The following SPEF2 variants were observed in gnomAD, a reference collection of about 807,000 sequenced individuals.
SPEF2 encodes the protein sperm flagellar and cilia associated 2, also known as sperm flagella and cilia-associated protein 2.
In SPEF2, 187 loss-of-function variants were observed where a neutral mutation model predicts 224.6. That is an observed-to-expected ratio of 0.83 (90% CI 0.74 to 0.94). The LOEUF (loss-of-function observed/expected upper bound fraction) is 0.94. SPEF2 is among the 40% of genes least tolerant of loss of function. The probability of loss-of-function intolerance (pLI) is 0.00; values close to 1 mark genes in which losing one functional copy is unlikely to be tolerated. For missense variants in SPEF2, 2,170 were observed against 2,135.6 expected, an observed-to-expected ratio of 1.02 and a Z score of -0.32; for synonymous variants, 715 against 707.3, an observed-to-expected ratio of 1.01 and a Z score of -0.17.
At position 35,719,872 on chromosome 5, in the gene SPEF2, G is replaced by A. The variant is rs548518045; in HGVS notation, c.2914+6986G>A. ...ACTGACCTCATGGTCCACCCATCTC[G>A]GCTTCCCAAAGTGCTGGGATTACAA... On this transcript the variant is annotated intron_variant, in intron 20 of 36. Coordinates refer to ENST00000356031, the MANE Select transcript of SPEF2 (RefSeq NM_024867.4). Among the ~76,000 whole-genome samples the A allele has an allele frequency of 1.1e-4, 17 of 152,128 alleles. No individual in the cohort carries two copies. The South Asian group carries it at 1.9e-3, about 17-fold the overall frequency.
chr5:35,701,504 G>A (rs562526899), intron 16 of SPEF2, among the ~76,000 whole-genome samples: 77 of 152,274 alleles, frequency 5.1e-4, no homozygotes, highest in African/African-American at 1.8e-3. Flanking sequence ...AGGGAAAAAT[G>A]ATGGAAGACT....
At chr5:35,764,500 A>AGTTT (rs1414930218) in intron 26 of SPEF2, 2 of 449,854 alleles carry the variant, frequency 4.4e-6, no homozygotes, top group African/African-American at 4.0e-5. Flanking sequence ...ATACACACAG[A>AGTTT]ATTTAACTCA....
In SPEF2 at chr5:35,700,670, T is replaced by G. The variant is rs372366779; in HGVS notation, c.2316T>G (p.Pro772=). Residue 772 remains proline (P), a synonymous_variant, in exon 16 of 37, where the codon CCT becomes CCG. Transcript: ENST00000356031. ...ATCCTGCGACTTCCAAAGAAATACC[T>G]CTTCCCTCTCCTGCATTTGATTTTG... is the stretch of plus-strand genomic sequence containing the variant. ...AIDPATSKEI[P]LPSPAFDFVI... The G allele has an allele frequency of 1.9e-6, 3 of 1,614,022 alleles. No individual in the cohort carries two copies. The highest frequency in any genetic ancestry group is 2.5e-6 in the Non-Finnish European group (3 of 1,179,942).
At chr5:35,648,723 A>G (rs1249542399) in intron 5 of SPEF2, among the ~76,000 whole-genome samples, 1 of 152,214 alleles carries the variant, frequency 6.6e-6, no homozygotes, top group African/African-American at 2.4e-5. Context: ...TTGCATGAGG[A>G]ATGTTTAAAA....
chr5:35,699,597 T>A (rs950104176), intron 15 of SPEF2: 1 of 152,164 alleles, frequency 6.6e-6, no homozygotes, highest in African/African-American at 2.4e-5. Context: ...TTGGGTGGGA[T>A]AGGAAGAGCT....
intron 29 of SPEF2, among the ~76,000 whole-genome samples, chr5:35,777,070 C>A (rs1258529214): frequency 6.6e-6 from 1 of 152,154 alleles, no homozygotes; most frequent in Admixed American, 6.5e-5. Flanking sequence ...AACACTCCAG[C>A]CAGGCTATTT....
At chr5:35,805,894 A>C (rs1757989430) in intron 34 of SPEF2, among the ~76,000 whole-genome samples, 1 of 152,008 alleles carries the variant, frequency 6.6e-6, no homozygotes, top group Non-Finnish European at 1.5e-5. Context: ...ATCATTTTTC[A>C]TGGCAATGTA....
In SPEF2 at chr5:35,801,505, T is replaced by A. The variant is rs551385041; in HGVS notation, c.5010+1358T>A. Reference sequence around the variant, plus strand: ...TCCAGCCTCAGTGATAAAGCAAGACTCCATCTCAAAAAAAAAAAAAATTCC... The same window carrying A: ...TCCAGCCTCAGTGATAAAGCAAGACACCATCTCAAAAAAAAAAAAAATTCC... On this transcript the variant is annotated intron_variant, in intron 34 of 36. Transcript: ENST00000356031. Among the ~76,000 whole-genome samples, 999 of 147,014 alleles carry A rather than the reference T, an allele frequency of 6.8e-3. 13 individuals carry two copies. The highest frequency in any genetic ancestry group is 0.025 in the African/African-American group (958 of 38,544).
intron 10 of SPEF2, among the ~76,000 whole-genome samples, chr5:35,687,524 T>C (rs1753813815): frequency 6.6e-6 from 1 of 151,616 alleles, no homozygotes; most frequent in Non-Finnish European, 1.5e-5. Context: ...GTGGCACAAA[T>C]TTTTGGATTT....
intron 7 of SPEF2, among the ~76,000 whole-genome samples, chr5:35,656,090 T>A (rs1459128371): frequency 6.6e-6 from 1 of 151,982 alleles, no homozygotes; most frequent in African/African-American, 2.4e-5. Context: ...GGATGAAAAA[T>A]TGGATTTCTA....
Position 35,773,931 on chromosome 5 carries a change from G to C in SPEF2, c.3988G>C (p.Val1330Leu). The C allele has an allele frequency of 6.2e-7, 1 of 1,613,244 alleles. No homozygotes were observed. The change falls in exon 28 of 37, where the codon GTA becomes CTA. Residue 1330 changes from valine (V) to leucine (L), a missense_variant. Coordinates refer to ENST00000356031, the MANE Select transcript of SPEF2 (RefSeq NM_024867.4). ...PPMAEATPVI[V>L]TTEEIAEIKR... is the part of the protein sequence containing the mutation. ...TATGGCAGAAGCAACTCCTGTCATA[G>C]TAACAACAGAGGAAATTGCTGAAAT...
chr5:35,641,941 G>T (rs1021604173), intron 3 of SPEF2, among the ~76,000 whole-genome samples: 11 of 151,818 alleles, frequency 7.2e-5, no homozygotes, highest in African/African-American at 2.7e-4. Context: ...TGTTGTTGTT[G>T]TTTTAGAGAG....
intron 11 of SPEF2, 30 bp downstream of exon 11, chr5:35,691,286 A>G: frequency 1.3e-6 from 2 of 1,559,332 alleles, no homozygotes; most frequent in Non-Finnish European, 1.8e-6. Flanking sequence ...TCTCCCTGCC[A>G]TTAGGTCCTA....
At chr5:35,680,193 TAAATG>T (rs1256454711) in intron 10 of SPEF2, among the ~76,000 whole-genome samples, 2 of 152,242 alleles carry the variant, frequency 1.3e-5, no homozygotes, top group Non-Finnish European at 2.9e-5. Flanking sequence ...TATTACATCT[TAAATG>T]AAATGCTTTT....
chr5:35,771,529 AT>A (rs1752856213), intron 26 of SPEF2, 79 bp from the exon 27 acceptor site: 2 of 1,519,134 alleles, frequency 1.3e-6, no homozygotes, highest in Non-Finnish European at 1.8e-6. Flanking sequence ...TTTCAACAGA[AT>A]TTAGTAATGA....
In SPEF2 at chr5:35,753,742, A is replaced by G. The variant is rs201177362; in HGVS notation, c.3449A>G (p.His1150Arg). The change falls in exon 24 of 37, where the codon CAT (histidine) becomes CGT (arginine). Residue 1150 changes from histidine (H) to arginine (R), a missense_variant. By Grantham distance (29) the His-to-Arg change is conservative. Transcript: ENST00000356031. ...GACACTCTTGGAATGACAATGAACCATTTCTTTTCCCTGATGCAGGTAAGA... is the reference window on the plus strand; with the variant it reads ...GACACTCTTGGAATGACAATGAACCGTTTCTTTTCCCTGATGCAGGTAAGA... ...LQDTLGMTMN[H>R]FFSLMQAELN... The G allele has an allele frequency of 3.7e-4, 593 of 1,613,968 alleles. No homozygotes were observed. Among genetic ancestry groups the G allele is most frequent in the Non-Finnish European group, 4.7e-4 (552 of 1,180,004 alleles).
At chr5:35,759,038 G>GAAAAA (rs1750854658) in intron 24 of SPEF2, among the ~76,000 whole-genome samples, 1 of 114,848 alleles carries the variant, frequency 8.7e-6, no homozygotes, top group African/African-American at 3.1e-5. Context: ...GTAAAGGAAA[G>GAAAAA]AAAGAAAAAA....
intron 20 of SPEF2, among the ~76,000 whole-genome samples, chr5:35,723,750 T>C (rs1236253267): frequency 6.6e-6 from 1 of 152,232 alleles, no homozygotes; most frequent in Non-Finnish European, 1.5e-5. Context: ...GGAAGTATGA[T>C]GGGTTTAAAT....
At chr5:35,783,416 G>C (rs954950621) in intron 30 of SPEF2, among the ~76,000 whole-genome samples, 2 of 152,100 alleles carry the variant, frequency 1.3e-5, no homozygotes, top group African/African-American at 4.8e-5. Flanking sequence ...AGGTTGTTAT[G>C]AAGATTAAAG....
Sources: allele counts gnomAD v4.1 joint callset (sites outside exome capture counted in the v4.1 genomes callset), GRCh38; gene constraint gnomAD v4.1.1; transcripts MANE v1.5; gene names NCBI Gene and HGNC (gene_info 2026-07-23, HGNC 2026-07-21).